The following FA2H variants were observed in gnomAD, a reference collection of about 807,000 sequenced individuals.
The protein encoded by FA2H is fatty acid 2-hydroxylase.
In FA2H, 22 loss-of-function variants were observed where a neutral mutation model predicts 44.9. The observed-to-expected ratio is 0.49, with a 90% CI of 0.35 to 0.70. The LOEUF (loss-of-function observed/expected upper bound fraction) is 0.70, where lower values mean the gene tolerates loss of function less well. Ranked by LOEUF, FA2H falls within the 30% of genes least tolerant of loss-of-function variation. The probability of loss-of-function intolerance (pLI) is 0.01; values close to 1 mark genes in which losing one functional copy is unlikely to be tolerated. For missense variants in FA2H, 501 were observed against 504.9 expected (o/e 0.99, Z 0.07); for synonymous variants, 243 against 213.2 (o/e 1.14, Z -1.22).
At chr16:74,745,256 G>C (rs1962396858) in intron 1 of FA2H, among the ~76,000 whole-genome samples, 1 of 152,192 alleles carries the variant, frequency 6.6e-6, no homozygotes. Context: ...TGTATTCCAA[G>C]CTAGCCCATA....
chr16:74,725,889 A>T, intron 4 of FA2H: 1 of 364,570 alleles, frequency 2.7e-6, no homozygotes, highest in African/African-American at 2.1e-5. Flanking sequence ...GATTTCATTT[A>T]GTTTCTTAGC....
intron 5 of FA2H, chr16:74,716,843 C>T (rs1004426356): frequency 1.8e-5 from 5 of 282,682 alleles, no homozygotes; most frequent in Non-Finnish European, 3.5e-5. Context: ...ATGGGATGGG[C>T]GGGATGGGCA....
intron 2 of FA2H, among the ~76,000 whole-genome samples, chr16:74,728,983 A>T (rs1248090864): frequency 1.1e-5 from 1 of 93,944 alleles, no homozygotes; most frequent in Non-Finnish European, 2.1e-5. Flanking sequence ...GGGTTTCATC[A>T]TGTTGGCCAG....
intron 2 of FA2H, among the ~76,000 whole-genome samples, chr16:74,734,876 A>G (rs562208026): frequency 5.9e-5 from 9 of 152,332 alleles, no homozygotes; most frequent in South Asian, 4.1e-4. Context: ...AGCTAAGGCA[A>G]TTGTTTAAAG....
At chr16:74,714,409 C>T in intron 6 of FA2H, 140 bp from the exon 7 acceptor site, 1 of 698,240 alleles carries the variant, frequency 1.4e-6, no homozygotes, top group Non-Finnish European at 2.6e-6. Flanking sequence ...CTCCCGAGGC[C>T]ATTCTGGCAG....
chr16:74,771,658 A>G lies in FA2H; in HGVS notation c.270+2828T>C, dbSNP rs1460945661. Among the ~76,000 whole-genome samples, 4 of 152,036 alleles carry G rather than the reference A, an allele frequency of 2.6e-5. No individual in the cohort carries two copies. In the East Asian group the frequency reaches 7.7e-4, roughly 29 times the overall value. On this transcript the variant is annotated intron_variant, in intron 1 of 6. Transcript: ENST00000219368. ...GCCTCCTGCACTCAGTTTTTCTTAT[A>G]TCTTCTTCTAAACCCTTCAGCATGA...
At chr16:74,763,554 G>A (rs533698221) in intron 1 of FA2H, among the ~76,000 whole-genome samples, 4 of 152,224 alleles carry the variant, frequency 2.6e-5, no homozygotes, top group Admixed American at 2.6e-4. Context: ...CACCGTGCCC[G>A]GCCTGGAATT....
intron 6 of FA2H, among the ~76,000 whole-genome samples, chr16:74,715,817 T>TC (rs201422107): frequency 0.035 from 4,950 of 142,012 alleles, 105 homozygotes; most frequent in African/African-American, 0.063. Flanking sequence ...TTCTTCTTCT[T>TC]TTTTTTTTTT....
intron 1 of FA2H, among the ~76,000 whole-genome samples, chr16:74,758,540 C>T (rs113917307): frequency 6.1e-4 from 92 of 152,030 alleles, no homozygotes; most frequent in Middle Eastern, 3.4e-3. Context: ...CTATCCATTC[C>T]CTGAACAAAC....
At chr16:74,716,869 G>A in intron 5 of FA2H, 1 of 503,924 alleles carries the variant, frequency 2.0e-6, no homozygotes, top group East Asian at 3.3e-5. Context: ...GGCAGGATGG[G>A]TGGGGTGTGC....
chr16:74,758,524 A>G (rs1160495204), intron 1 of FA2H, among the ~76,000 whole-genome samples: 1 of 152,172 alleles, frequency 6.6e-6, no homozygotes, highest in African/African-American at 2.4e-5. Context: ...ATTTTATTCA[A>G]CTATCCTATC....
chr16:74,714,929 T>C (rs1961661371), intron 6 of FA2H, among the ~76,000 whole-genome samples: 3 of 151,196 alleles, frequency 2.0e-5, no homozygotes, highest in Admixed American at 1.3e-4. Context: ...CTCCGCCTCC[T>C]GGGTCCAAGA....
intron 2 of FA2H, among the ~76,000 whole-genome samples, chr16:74,738,505 G>A (rs1206032235): frequency 2.6e-5 from 4 of 152,184 alleles, no homozygotes. Flanking sequence ...TCAGACCCCA[G>A]CTCCTCCCTC....
intron 1 of FA2H, among the ~76,000 whole-genome samples, chr16:74,746,837 T>G (rs1962433468): frequency 6.6e-6 from 1 of 152,124 alleles, no homozygotes; most frequent in African/African-American, 2.4e-5. Flanking sequence ...TCAGGGCCAG[T>G]TGTACCAAGG....
At chr16:74,715,074 G>A (rs1389308780) in intron 6 of FA2H, among the ~76,000 whole-genome samples, 1 of 152,002 alleles carries the variant, frequency 6.6e-6, no homozygotes, top group East Asian at 1.9e-4. Context: ...CTGACCTCAG[G>A]TGATCTGCCC....
intron 2 of FA2H, among the ~76,000 whole-genome samples, chr16:74,733,822 C>G (rs1962126905): frequency 6.6e-6 from 1 of 152,194 alleles, no homozygotes; most frequent in Non-Finnish European, 1.5e-5. Context: ...GAGCAGCTGC[C>G]CCGTCCCCCG....
At chr16:74,715,815 CTTT>C (rs536329308) in intron 6 of FA2H, among the ~76,000 whole-genome samples, 1 of 136,352 alleles carries the variant, frequency 7.3e-6, no homozygotes, top group Non-Finnish European at 1.6e-5. Flanking sequence ...TCTTCTTCTT[CTTT>C]TTTTTTTTTT....
chr16:74,720,088 G>A (rs970404598), intron 4 of FA2H, among the ~76,000 whole-genome samples: 3 of 150,850 alleles, frequency 2.0e-5, no homozygotes, highest in Non-Finnish European at 4.4e-5. Context: ...CAGTCCTAGC[G>A]GCTTTCAGCT....
intron 1 of FA2H, 118 bp downstream of exon 1, chr16:74,774,368 A>G (rs1962967428): frequency 1.4e-5 from 13 of 945,432 alleles, no homozygotes; most frequent in South Asian, 4.2e-5. Flanking sequence ...AAGCGAGGGA[A>G]GGGAGGGCAG....
Sources: gnomAD v4.1 joint callset for allele counts (sites outside exome capture counted in the v4.1 genomes callset) on GRCh38, gnomAD v4.1.1 for gene constraint, MANE v1.5 for transcripts, NCBI Gene and HGNC (gene_info 2026-07-23, HGNC 2026-07-21) for gene names.